APBB1IP: variants seen among roughly 807,000 people sequenced by gnomAD.
The protein encoded by APBB1IP is amyloid beta precursor protein binding family B member 1 interacting protein, also known as amyloid beta A4 precursor protein-binding family B member 1-interacting protein.
A neutral mutation model predicts 64.9 loss-of-function variants in APBB1IP; 27 were observed. The ratio of observed to expected loss-of-function variants is 0.42; its 90% confidence interval spans 0.31 to 0.57. APBB1IP has a LOEUF of 0.57. Ranked by LOEUF, APBB1IP falls within the 20% of genes least tolerant of loss-of-function variation. APBB1IP has a pLI of 0.20. For synonymous variants in APBB1IP, 392 were observed against 331.0 expected, an observed-to-expected ratio of 1.18 and a Z score of -2.00; for missense variants, 812 against 845.5, an observed-to-expected ratio of 0.96 and a Z score of 0.49.
At chr10:26,496,485 AC>A (rs1285368791) in intron 4 of APBB1IP, 94 bp downstream of exon 4, 1 of 963,718 alleles carries the variant, frequency 1.0e-6, no homozygotes, top group Non-Finnish European at 1.6e-6. Context: ...AATTAAAGGA[AC>A]CTAAACATCA....
At chr10:26,482,691 A>T (rs74128332) in intron 2 of APBB1IP, among the ~76,000 whole-genome samples, 2,308 of 152,328 alleles carry the variant, frequency 0.015, 62 homozygotes, top group African/African-American at 0.051. Context: ...AAAAAATAAT[A>T]AAAATATCAA....
intron 8 of APBB1IP, among the ~76,000 whole-genome samples, chr10:26,531,120 A>AG (rs1417026765): frequency 6.6e-6 from 1 of 152,022 alleles, no homozygotes; most frequent in Non-Finnish European, 1.5e-5. Flanking sequence ...TGGGAGGCTG[A>AG]GGGGGGCAGT....
At chr10:26,469,216 T>C (rs1156486489) in intron 2 of APBB1IP, among the ~76,000 whole-genome samples, 1 of 151,730 alleles carries the variant, frequency 6.6e-6, no homozygotes, top group Admixed American at 6.6e-5. Context: ...CCTTATTCTA[T>C]TTATCTATTT....
At chr10:26,486,157 C>G (rs1835888896) in intron 2 of APBB1IP, among the ~76,000 whole-genome samples, 1 of 152,162 alleles carries the variant, frequency 6.6e-6, no homozygotes, top group African/African-American at 2.4e-5. Context: ...CTTTGAAAGA[C>G]ACGCTGAGTG....
intron 10 of APBB1IP, among the ~76,000 whole-genome samples, chr10:26,540,348 G>A (rs187278091): frequency 6.6e-6 from 1 of 152,300 alleles, no homozygotes; most frequent in Admixed American, 6.5e-5. Flanking sequence ...GCCAAGGAAG[G>A]CGGATCGCTT....
chr10:26,556,470 T>C (rs576002620), intron 11 of APBB1IP, among the ~76,000 whole-genome samples: 1 of 152,190 alleles, frequency 6.6e-6, no homozygotes, highest in Non-Finnish European at 1.5e-5. Flanking sequence ...ATAGCACACA[T>C]ATAGTGTAAG....
chr10:26,551,390 G>A (rs1836828832), intron 11 of APBB1IP, among the ~76,000 whole-genome samples: 1 of 152,178 alleles, frequency 6.6e-6, no homozygotes, highest in South Asian at 2.1e-4. Flanking sequence ...CATAGTCAGG[G>A]GAAACCATCC....
intron 2 of APBB1IP, among the ~76,000 whole-genome samples, chr10:26,483,124 A>T (rs1835855803): frequency 1.3e-5 from 2 of 150,958 alleles, no homozygotes; most frequent in South Asian, 4.2e-4. Context: ...AAAGCAGTCA[A>T]TACTAGGATA....
chr10:26,457,820 A>G (rs1835544867), intron 2 of APBB1IP, among the ~76,000 whole-genome samples: 2 of 152,232 alleles, frequency 1.3e-5, no homozygotes, highest in Non-Finnish European at 2.9e-5. Flanking sequence ...TAGAGATTAG[A>G]TAACAGGAAT....
intron 2 of APBB1IP, among the ~76,000 whole-genome samples, chr10:26,461,223 CTT>C (rs1226043846): frequency 6.6e-6 from 1 of 152,034 alleles, no homozygotes; most frequent in Non-Finnish European, 1.5e-5. Context: ...GAAGGAAAAA[CTT>C]TTTTTCTTAT....
At chr10:26,514,635 A>T (rs1836301183) in intron 8 of APBB1IP, among the ~76,000 whole-genome samples, 1 of 151,740 alleles carries the variant, frequency 6.6e-6, no homozygotes, top group Non-Finnish European at 1.5e-5. Context: ...AAGGTGAAGA[A>T]GTTCCTCTCC....
intron 2 of APBB1IP, among the ~76,000 whole-genome samples, chr10:26,479,375 T>A (rs1022013150): frequency 1.3e-5 from 2 of 152,080 alleles, no homozygotes; most frequent in Non-Finnish European, 2.9e-5. Context: ...AAATAATTTT[T>A]TAAATAAAAT....
At chr10:26,506,373 AG>A (rs1474801718) in intron 6 of APBB1IP, among the ~76,000 whole-genome samples, 1 of 151,964 alleles carries the variant, frequency 6.6e-6, no homozygotes, top group East Asian at 1.9e-4. Context: ...CAGCCTCCCA[AG>A]TAGCTGAGAC....
chr10:26,518,866 C>T (rs374653731), intron 8 of APBB1IP, among the ~76,000 whole-genome samples: 22 of 152,282 alleles, frequency 1.4e-4, no homozygotes, highest in African/African-American at 4.3e-4. Flanking sequence ...TGACCTCTTG[C>T]GTCCTAATTG....
At chr10:26,445,124 AAAGAAAAGAAAGAAAGAAAGAAAG>A (rs1835378369) in intron 2 of APBB1IP, among the ~76,000 whole-genome samples, 1 of 65,936 alleles carries the variant, frequency 1.5e-5, no homozygotes, top group Non-Finnish European at 2.8e-5. Flanking sequence ...AGAAAGAAAG[AAAGAAAAGAAAGAAAGAAAGAAAG>A]AAAGAAAGAA....
At chr10:26,530,146 T>G (rs1836530213) in intron 8 of APBB1IP, among the ~76,000 whole-genome samples, 1 of 152,206 alleles carries the variant, frequency 6.6e-6, no homozygotes, top group Non-Finnish European at 1.5e-5. Flanking sequence ...CATTTTTAAG[T>G]GTACCCTTCT....
chr10:26,472,561 C>T (rs1033462183), intron 2 of APBB1IP, among the ~76,000 whole-genome samples: 1 of 118,000 alleles, frequency 8.5e-6, no homozygotes, highest in Non-Finnish European at 1.8e-5. Flanking sequence ...GTATCCTCAT[C>T]GTGTTTGTTT....
intron 10 of APBB1IP, 116 bp from the exon 11 acceptor site, chr10:26,541,465 TA>T: frequency 1.4e-6 from 1 of 729,082 alleles, no homozygotes; most frequent in Non-Finnish European, 2.3e-6. Context: ...ATAAATTACC[TA>T]AAAGTCAATA....
intron 2 of APBB1IP, among the ~76,000 whole-genome samples, chr10:26,470,092 A>G (rs543501992): frequency 3.9e-5 from 6 of 152,310 alleles, no homozygotes; most frequent in African/African-American, 9.6e-5. Context: ...CTGACTCACA[A>G]TGTTCCACTT....
Sources: gnomAD v4.1 joint callset for allele counts (sites outside exome capture counted in the v4.1 genomes callset) on GRCh38, gnomAD v4.1.1 for gene constraint, MANE v1.5 for transcripts, NCBI Gene and HGNC (gene_info 2026-07-23, HGNC 2026-07-21) for gene names.